The following NPEPPS variants were observed in gnomAD, a reference collection of about 807,000 sequenced individuals.
The protein encoded by NPEPPS is aminopeptidase puromycin sensitive.
A neutral mutation model predicts 115.5 loss-of-function variants in NPEPPS; 14 were observed. The observed-to-expected ratio is 0.12, with a 90% CI of 0.08 to 0.19. The LOEUF (loss-of-function observed/expected upper bound fraction) is 0.19, where lower values mean the gene tolerates loss of function less well. Among genes scored for constraint, NPEPPS ranks in the 10% least tolerant of loss-of-function variants. The probability of loss-of-function intolerance (pLI) is 1.00; values close to 1 mark genes in which losing one functional copy is unlikely to be tolerated. For missense variants in NPEPPS, 523 were observed against 1,110.8 expected (o/e 0.47, Z 7.52); for synonymous variants, 285 against 390.6 (o/e 0.73, Z 3.19).
At chr17:47,613,455 C>T (rs1914003337) in intron 18 of NPEPPS, among the ~76,000 whole-genome samples, 1 of 151,780 alleles carries the variant, frequency 6.6e-6, no homozygotes, top group African/African-American at 2.4e-5. Context: ...TTAGTAGAGA[C>T]AGGGTTTCAC....
intron 1 of NPEPPS, among the ~76,000 whole-genome samples, chr17:47,524,651 C>T (rs191844297): frequency 0.038 from 4,815 of 127,740 alleles, 100 homozygotes; most frequent in Non-Finnish European, 0.054. Flanking sequence ...CCTGCCACCA[C>T]GCCTGGCTAA....
At chr17:47,562,072 C>T (rs1216581465) in intron 2 of NPEPPS, among the ~76,000 whole-genome samples, 1 of 152,208 alleles carries the variant, frequency 6.6e-6, no homozygotes. Flanking sequence ...GCACCCCTTC[C>T]CACATGCCTT....
At chr17:47,579,172 C>T (rs535826034) in intron 3 of NPEPPS, among the ~76,000 whole-genome samples, 1 of 151,344 alleles carries the variant, frequency 6.6e-6, no homozygotes, top group Non-Finnish European at 1.5e-5. Flanking sequence ...TTTAGGCAGT[C>T]ACCCTAAACA....
chr17:47,605,310 AT>A, intron 16 of NPEPPS, 22 bp from the exon 17 acceptor site: 1 of 1,541,086 alleles, frequency 6.5e-7, no homozygotes, highest in South Asian at 1.2e-5. Context: ...GACTAGGTTA[AT>A]TTATGTTTTT....
chr17:47,561,200 A>G (rs1391102572), intron 2 of NPEPPS, among the ~76,000 whole-genome samples: 1 of 151,724 alleles, frequency 6.6e-6, no homozygotes, highest in Non-Finnish European at 1.5e-5. Context: ...CTTTTATGTG[A>G]TTAAGTTTTA....
intron 1 of NPEPPS, among the ~76,000 whole-genome samples, chr17:47,523,391 C>T (rs1445242800): frequency 6.6e-6 from 1 of 150,822 alleles, no homozygotes; most frequent in Non-Finnish European, 1.5e-5. Flanking sequence ...GCTACAAAGA[C>T]CATTCTCACA....
intron 13 of NPEPPS, among the ~76,000 whole-genome samples, chr17:47,596,769 C>G (rs951696145): frequency 1.3e-5 from 2 of 152,104 alleles, no homozygotes; most frequent in African/African-American, 4.8e-5. Flanking sequence ...AAAATTAGGC[C>G]GGGCGTGGTG....
chr17:47,602,419 G>A (rs1295447309), intron 15 of NPEPPS, among the ~76,000 whole-genome samples: 4 of 151,892 alleles, frequency 2.6e-5, no homozygotes, highest in African/African-American at 9.7e-5. Flanking sequence ...CAGATCACAA[G>A]GTCAGGAGTT....
chr17:47,530,102 A>T (rs868534283), upstream of NPEPPS, among the ~76,000 whole-genome samples: 2 of 124,474 alleles, frequency 1.6e-5, no homozygotes, highest in Admixed American at 8.5e-5. Flanking sequence ...AAGCCCGGCT[A>T]TTTTTTTTTT....
intron 2 of NPEPPS, chr17:47,548,246 G>A (rs1469809525): frequency 6.6e-6 from 1 of 152,206 alleles, no homozygotes; most frequent in East Asian, 1.9e-4. Flanking sequence ...AAGTTCAATT[G>A]ATTGTAAATT....
At chr17:47,615,959 CAG>C (rs1188041447) in intron 19 of NPEPPS, among the ~76,000 whole-genome samples, 1 of 152,106 alleles carries the variant, frequency 6.6e-6, no homozygotes, top group Admixed American at 6.6e-5. Context: ...AATAATGTGG[CAG>C]AGTTAAAAAA....
intron 17 of NPEPPS, among the ~76,000 whole-genome samples, chr17:47,611,100 C>T (rs1007665948): frequency 3.3e-5 from 5 of 151,798 alleles, no homozygotes; most frequent in Non-Finnish European, 1.5e-5. Context: ...GATCCGCCTG[C>T]CTCAGCCTCC....
intron 19 of NPEPPS, 30 bp downstream of exon 19, chr17:47,613,755 C>G: frequency 6.4e-7 from 1 of 1,564,812 alleles, no homozygotes; most frequent in Non-Finnish European, 8.8e-7. Context: ...CTCCCATTTC[C>G]TGCTTTTGAA....
rs762137955 is a variant in NPEPPS, at chr17:47,590,801, G to A, written c.1180G>A (p.Asp394Asn). 7 of 1,609,048 alleles carry A rather than the reference G, an allele frequency of 4.4e-6. No homozygotes were observed. In the South Asian group the frequency reaches 7.7e-5, roughly 18 times the overall value. The change falls in exon 10 of 23, where the codon GAT becomes AAT. Residue 394 changes from aspartate (D) to asparagine (N), a missense_variant. By Grantham distance (23) the Asp-to-Asn change is conservative. This residue lies in a region of NPEPPS where 144 missense variants were observed against 512.4 expected (regional missense o/e 0.28). Transcript: ENST00000322157. The stretch of plus-strand genomic sequence containing the variant: ...TGTAGACCACTGCTTCCCAGAGTAT[G>A]ATATTTGGACTCAGTTTGTTTCTGC... ...LCVDHCFPEY[D>N]IWTQFVSADY...
chr17:47,593,717 C>T (rs1912655929), intron 12 of NPEPPS, among the ~76,000 whole-genome samples: 2 of 152,202 alleles, frequency 1.3e-5, no homozygotes, highest in Non-Finnish European at 2.9e-5. Flanking sequence ...TACACCTAGC[C>T]TACATGGTAT....
chr17:47,546,073 T>TGTGAGAGAGAGAGA, intron 2 of NPEPPS, 80 bp downstream of exon 2: 3 of 1,263,776 alleles, frequency 2.4e-6, no homozygotes, highest in East Asian at 3.0e-5. Context: ...TGTGTGTGTG[T>TGTGAGAGAGAGAGA]GAGAGAGAGA....
At chr17:47,559,180 A>G (rs1910266421) in intron 2 of NPEPPS, among the ~76,000 whole-genome samples, 1 of 152,174 alleles carries the variant, frequency 6.6e-6, no homozygotes, top group East Asian at 1.9e-4. Flanking sequence ...AGTAGCTGGA[A>G]CTACAGATAT....
intron 12 of NPEPPS, among the ~76,000 whole-genome samples, chr17:47,595,012 C>T (rs952462305): frequency 6.6e-6 from 1 of 151,938 alleles, no homozygotes; most frequent in Admixed American, 6.6e-5. Flanking sequence ...TTCGTTGCAA[C>T]CTCCGCCTCC....
At chr17:47,594,825 G>A (rs955546868) in intron 12 of NPEPPS, among the ~76,000 whole-genome samples, 1 of 152,010 alleles carries the variant, frequency 6.6e-6, no homozygotes, top group Non-Finnish European at 1.5e-5. Flanking sequence ...GTAGAGACAG[G>A]GTTTCACTGT....
Sources: allele counts gnomAD v4.1 joint callset (sites outside exome capture counted in the v4.1 genomes callset), GRCh38; gene constraint gnomAD v4.1.1; regional missense constraint gnomAD v4.1.1; transcripts MANE v1.5; gene names NCBI Gene and HGNC (gene_info 2026-07-23, HGNC 2026-07-21).